The following NOC2L variants were observed in gnomAD, a reference collection of about 807,000 sequenced individuals.
NOC2L encodes nucleolar complex protein 2 homolog.
In NOC2L, 101 loss-of-function variants were observed where a neutral mutation model predicts 94.2. The ratio of observed to expected loss-of-function variants is 1.07; its 90% confidence interval spans 0.91 to 1.26. The LOEUF (loss-of-function observed/expected upper bound fraction) is 1.26. Among genes scored for constraint, NOC2L ranks in the 50% most tolerant of loss-of-function variants. NOC2L has a pLI of 0.00. For missense variants in NOC2L, 1,076 were observed against 980.1 expected (o/e 1.10, Z -1.31); for synonymous variants, 531 against 413.4 (o/e 1.28, Z -3.45).
chr1:948,341 G>A lies in NOC2L; in HGVS notation c.1558-109C>T, dbSNP rs536582535. The A allele has an allele frequency of 1.4e-5, 15 of 1,092,016 alleles. No homozygotes were observed. The African/African-American group carries it at 1.7e-4, about 12-fold the overall frequency. 67.6% of individuals were successfully genotyped at this position (1,092,016 alleles called of 1,614,324 possible). On this transcript the variant is annotated intron_variant, in intron 13 of 18. Transcript: ENST00000327044. ...CAGCGCCATCTCCAGGGCACGGACTGCAAGGAAGGGGCTCCTGGGCCCCAG... is the reference window on the plus strand; with the variant it reads ...CAGCGCCATCTCCAGGGCACGGACTACAAGGAAGGGGCTCCTGGGCCCCAG...
rs1344264626 is a variant in NOC2L at position 953,223 on chromosome 1, G to A, written c.954C>T (p.Ser318=). 1.9e-6 allele frequency: 3 copies of A among 1,613,474 alleles called. No homozygotes were observed. Among genetic ancestry groups the A allele is most frequent in the Non-Finnish European group, 2.5e-6 (3 of 1,179,718 alleles). ...SLRVLAFLVL[S]RVCRHKKDTF... is the part of the protein sequence containing the mutation. ...TGTCCTTCTTGTGCCGGCAGACTCT[G>A]CTGAGGACCAGGAAAGCCAGCACCC... The change falls in exon 9 of 19, where the codon AGC becomes AGT. Residue 318 remains serine (S), a synonymous_variant. Transcript: ENST00000327044.
At chr1:951,442 C>T (rs549087228) in intron 11 of NOC2L, among the ~76,000 whole-genome samples, 5 of 147,172 alleles carry the variant, frequency 3.4e-5, no homozygotes, top group Admixed American at 1.3e-4. Flanking sequence ...TATTTCAACA[C>T]GGTGGCAGGG....
chr1:958,291 C>T (rs1489086945), intron 2 of NOC2L: 1 of 182,982 alleles, frequency 5.5e-6, no homozygotes, highest in African/African-American at 2.4e-5. Context: ...CTCACTCTCT[C>T]ACCCAGGCTG....
chr1:952,274 G>C, intron 10 of NOC2L, 135 bp from the exon 11 acceptor site: 6 of 1,393,148 alleles, frequency 4.3e-6, no homozygotes, highest in Non-Finnish European at 5.9e-6. Context: ...TCCCCCACCT[G>C]CAAGGACCGA....
At position 956,846 on chromosome 1, in the gene NOC2L, C is replaced by T. The variant is rs145545951; in HGVS notation, c.486+48G>A. On this transcript the variant is annotated intron_variant, in intron 4 of 18. Transcript: ENST00000327044. ...CTGCTCACCTCAGGTGAGGCAAGGC[C>T]AGATTTCTGCCTGGGCACCCAGCTG... 8.3e-5 allele frequency: 133 copies of T among 1,604,030 alleles called. No homozygotes were observed. The East Asian group carries it at 2.9e-3, about 35-fold the overall frequency.
Position 946,266 on chromosome 1 carries a change from G to C in NOC2L, c.1824C>G (p.Thr608=), listed in dbSNP as rs745689174. The C allele has an allele frequency of 8.7e-6, 14 of 1,613,556 alleles. No homozygotes were observed. Among genetic ancestry groups the C allele is most frequent in the Non-Finnish European group, 1.0e-5 (12 of 1,179,778 alleles). ...AGGTCAGGGGTGTCCCCTCTTCCCGGGTCAGCTTCTCCCAGGCTTCCTGGG... is the reference window on the plus strand; with the variant it reads ...AGGTCAGGGGTGTCCCCTCTTCCCGCGTCAGCTTCTCCCAGGCTTCCTGGG... The part of the protein sequence containing the change: ...QQAVEAWEKL[T]REEGTPLTLY... Residue 608 remains threonine (T), a synonymous_variant, in exon 16 of 19, where the codon ACC becomes ACG. Coordinates refer to ENST00000327044, the MANE Select transcript of NOC2L (RefSeq NM_015658.4).
chr1:958,415 A>G, intron 2 of NOC2L: 1 of 306,216 alleles, frequency 3.3e-6, no homozygotes, highest in South Asian at 2.7e-5. Flanking sequence ...ACGCCCGGCT[A>G]ATTTTTATAT....
chr1:949,026 C>G (rs1642187156), intron 12 of NOC2L, among the ~76,000 whole-genome samples: 1 of 114,348 alleles, frequency 8.7e-6, no homozygotes, highest in Non-Finnish European at 1.8e-5. Flanking sequence ...CCGTCCCGAG[C>G]AACCAGAAGA....
rs778825903 is a variant in NOC2L, at chr1:954,021, G to A, written c.760C>T (p.Leu254=). Residue 254 remains leucine, a synonymous_variant, in exon 7 of 19, where the codon CTG becomes TTG. Coordinates refer to ENST00000327044, the MANE Select transcript of NOC2L (RefSeq NM_015658.4). Reference sequence around the variant, plus strand: ...AATAGCACCTGTATGGCCGAGCCCAGGTAAGCCTTGATGTCCACACGAAGC... The same window carrying A: ...AATAGCACCTGTATGGCCGAGCCCAAGTAAGCCTTGATGTCCACACGAAGC... The part of the protein sequence containing the change: ...GKLRVDIKAY[L]GSAIQLVSCL... 1.0e-5 allele frequency: 16 copies of A among 1,606,790 alleles called. No homozygotes were observed. Among genetic ancestry groups the A allele is most frequent in the Non-Finnish European group, 1.3e-5 (15 of 1,175,070 alleles).
chr1:950,654 GAT>G (rs1642234761), intron 12 of NOC2L, among the ~76,000 whole-genome samples: 1 of 74,218 alleles, frequency 1.3e-5, no homozygotes, highest in African/African-American at 3.8e-5. Flanking sequence ...CACATGAACT[GAT>G]ATGCACACAC....
intron 6 of NOC2L, 56 bp downstream of exon 6, chr1:955,865 CTG>C (rs1197865464): frequency 3.5e-6 from 5 of 1,432,082 alleles, no homozygotes; most frequent in Non-Finnish European, 4.9e-6. Context: ...CTGGCTTCTC[CTG>C]TGTGTGGTCC....
chr1:944,599 C>A lies in NOC2L; in HGVS notation c.*95G>T. The stretch of plus-strand genomic sequence containing the variant: ...GTCCCGTGTCTACTGCCTCCCCCAA[C>A]TGCACAGACGCCAGCCTCTAGGCCT... On this transcript the variant is annotated 3_prime_UTR_variant, in exon 19 of 19. Coordinates refer to ENST00000327044, the MANE Select transcript of NOC2L (RefSeq NM_015658.4). The A allele has an allele frequency of 1.3e-6, 1 of 748,976 alleles. No individual in the cohort carries two copies. Among genetic ancestry groups the A allele is most frequent in the Non-Finnish European group, 2.2e-6 (1 of 457,432 alleles). 46.4% of individuals were successfully genotyped at this position (748,976 alleles called of 1,614,324 possible). A position where few individuals can be genotyped will look rare whatever the true frequency, so the allele number is the denominator to read the frequency against.
chr1:946,664 T>TCCC, intron 14 of NOC2L, 119 bp from the exon 15 acceptor site: 1 of 1,249,884 alleles, frequency 8.0e-7, no homozygotes, highest in Admixed American at 2.2e-5. Flanking sequence ...GGGACATGGA[T>TCCC]CCCATCTCAG....
chr1:944,495 T>TCAGCAGCCA lies in NOC2L; in HGVS notation c.*190_*198dup. ...TTCAGCAGCCCACAGCTGTGGGGCT[T>TCAGCAGCCA]CAGCAGCCACACCAGCCCAGCCCAG... On this transcript the variant is annotated 3_prime_UTR_variant, in exon 19 of 19. Coordinates refer to ENST00000327044, the MANE Select transcript of NOC2L (RefSeq NM_015658.4). The TCAGCAGCCA allele has an allele frequency of 1.5e-6, 1 of 653,402 alleles. No individual in the cohort carries two copies. Among genetic ancestry groups the TCAGCAGCCA allele is most frequent in the Non-Finnish European group, 2.5e-6 (1 of 401,884 alleles). The allele number at this position is 653,402 out of a possible 1,614,324, so 40.5% of individuals were successfully genotyped here.
intron 4 of NOC2L, 151 bp from the exon 5 acceptor site, chr1:956,366 A>G: frequency 1.2e-6 from 1 of 833,076 alleles, no homozygotes. Flanking sequence ...ACTGATAACA[A>G]AAATGGAAAC....
chr1:945,726 G>A (rs751862886), intron 16 of NOC2L, 73 bp from the exon 17 acceptor site: 153 of 1,595,798 alleles, frequency 9.6e-5, no homozygotes, highest in Middle Eastern at 8.3e-4. Context: ...GCCAGGCATC[G>A]CCAGACCCAC....
chr1:953,715 G>A (rs1382254795), intron 8 of NOC2L, 67 bp downstream of exon 8: 1 of 1,187,024 alleles, frequency 8.4e-7, no homozygotes, highest in Middle Eastern at 2.7e-4. Context: ...GGAGTGGGAT[G>A]TGGTGGGGGT....
rs149856680 is a variant in NOC2L at position 957,008 on chromosome 1, C to T, written c.372G>A (p.Glu124=). 1.2e-6 allele frequency: 2 copies of T among 1,613,988 alleles called. No individual in the cohort carries two copies. The highest frequency in any genetic ancestry group is 1.7e-6 in the Non-Finnish European group (2 of 1,180,044). Residue 124 remains glutamate, a synonymous_variant, in exon 4 of 19, where the codon GAG becomes GAA. Coordinates refer to ENST00000327044, the MANE Select transcript of NOC2L (RefSeq NM_015658.4). ...PDVLEEASEE[E]DGAEEGEDGD... ...CATCTTCTCCTTCCTCCGCTCCATCCTCCTCCTCACTGGCTTCCTGCACAG... is the reference window on the plus strand; with the variant it reads ...CATCTTCTCCTTCCTCCGCTCCATCTTCCTCCTCACTGGCTTCCTGCACAG...
chr1:958,736 G>A (rs1160226324), intron 2 of NOC2L, 193 bp downstream of exon 2: 6 of 716,908 alleles, frequency 8.4e-6, no homozygotes, highest in Non-Finnish European at 1.3e-5. Context: ...TACGCTCCCT[G>A]CCTAGGACAG....
Sources: gnomAD v4.1 joint callset for allele counts (sites outside exome capture counted in the v4.1 genomes callset) on GRCh38, gnomAD v4.1.1 for gene constraint, MANE v1.5 for transcripts, NCBI Gene and HGNC (gene_info 2026-07-23, HGNC 2026-07-21) for gene names.